The following FGF13 variants were observed in gnomAD, a reference collection of about 807,000 sequenced individuals.
FGF13 encodes the protein fibroblast growth factor 13.
A neutral mutation model predicts 19.5 loss-of-function variants in FGF13; 2 were observed. The ratio of observed to expected loss-of-function variants is 0.10; its 90% CI spans 0.04 to 0.32. The LOEUF is 0.32. FGF13 is among the 10% of genes least tolerant of loss of function. The pLI, the probability that FGF13 is intolerant of heterozygous loss-of-function variation, is 1.00. For synonymous variants in FGF13, 72 were observed against 76.9 expected, an observed-to-expected ratio of 0.94 and a Z score of 0.33; for missense variants, 113 against 192.7, an observed-to-expected ratio of 0.59 and a Z score of 2.45.
chrX:139,030,320 T>C (rs1344471471), intron 1 of FGF13, among the ~76,000 whole-genome samples: 3 of 111,452 alleles, frequency 2.7e-5, no homozygotes, highest in Middle Eastern at 4.6e-3. Flanking sequence ...CAACGAAAGC[T>C]GGCCTAATTA....
At chrX:138,965,264 T>C (rs946517613) in intron 1 of FGF13, among the ~76,000 whole-genome samples, 2 of 112,388 alleles carry the variant, frequency 1.8e-5, no homozygotes, top group African/African-American at 6.5e-5. Context: ...GGGCCCCTGC[T>C]CTGGGCTCCT....
intron 1 of FGF13, among the ~76,000 whole-genome samples, chrX:138,980,290 G>A (rs1418173228): frequency 9.0e-6 from 1 of 110,917 alleles, no homozygotes; most frequent in Non-Finnish European, 1.9e-5. Flanking sequence ...TAATCCCCGA[G>A]CCAAACCTTA....
chrX:138,956,175 G>C (rs2091840303), intron 1 of FGF13, among the ~76,000 whole-genome samples: 1 of 111,823 alleles, frequency 8.9e-6, no homozygotes, highest in Non-Finnish European at 1.9e-5. Context: ...CAGAGAGTGT[G>C]TCTGTGGGAG....
At chrX:139,037,211 T>C (rs1410646471) in intron 1 of FGF13, among the ~76,000 whole-genome samples, 1 of 111,029 alleles carries the variant, frequency 9.0e-6, no homozygotes, top group East Asian at 2.9e-4. Context: ...AAAAGCTGAG[T>C]TTCATCTCTA....
intron 1 of FGF13, among the ~76,000 whole-genome samples, chrX:139,146,135 A>C (rs932505626): frequency 4.5e-5 from 5 of 111,766 alleles, no homozygotes. Flanking sequence ...TAATTAAACT[A>C]AAGAGCTTCT....
chrX:138,984,590 G>GAA (rs1471071586), intron 1 of FGF13, among the ~76,000 whole-genome samples: 358 of 32,902 alleles, frequency 0.011, 36 homozygotes, highest in East Asian at 0.025. Context: ...AGAAGAAGAA[G>GAA]GAGGAGGAGG....
At chrX:138,805,303 C>T (rs1200930713) in intron 3 of FGF13, among the ~76,000 whole-genome samples, 1 of 111,787 alleles carries the variant, frequency 8.9e-6, no homozygotes, top group Non-Finnish European at 1.9e-5. Flanking sequence ...CCCTTAAACC[C>T]ATTTAAAATA....
chrX:138,954,738 A>C (rs1269390651), intron 1 of FGF13, among the ~76,000 whole-genome samples: 3 of 111,927 alleles, frequency 2.7e-5, no homozygotes, highest in African/African-American at 9.7e-5. Context: ...AGATCCCTCA[A>C]CGTTCACCCT....
At chrX:139,032,595 C>T (rs1321270619) in intron 1 of FGF13, among the ~76,000 whole-genome samples, 1 of 110,821 alleles carries the variant, frequency 9.0e-6, no homozygotes, top group Non-Finnish European at 1.9e-5. Flanking sequence ...GAAAAAACCC[C>T]AGAGACATAA....
chrX:138,992,466 T>C (rs1042264433), intron 1 of FGF13, among the ~76,000 whole-genome samples: 1 of 111,438 alleles, frequency 9.0e-6, no homozygotes, highest in Admixed American at 9.6e-5. Context: ...TCTTCTAGCA[T>C]TTCTGTGGTT....
chrX:138,769,971 T>C (rs778342921), intron 3 of FGF13, among the ~76,000 whole-genome samples: 1 of 112,260 alleles, frequency 8.9e-6, no homozygotes, highest in Non-Finnish European at 1.9e-5. Flanking sequence ...TAGAACATGA[T>C]TTCCCCAAGT....
chrX:138,898,342 T>C (rs2091514507), intron 1 of FGF13, among the ~76,000 whole-genome samples: 1 of 112,152 alleles, frequency 8.9e-6, no homozygotes, highest in African/African-American at 3.2e-5. Flanking sequence ...AGTTGGTTCA[T>C]AAATATTTCT....
chrX:138,701,042 A>G (rs1210683867), intron 3 of FGF13, among the ~76,000 whole-genome samples: 1 of 112,482 alleles, frequency 8.9e-6, no homozygotes, highest in Non-Finnish European at 1.9e-5. Flanking sequence ...GGCACCTGAC[A>G]TATAACCCAA....
intron 1 of FGF13, among the ~76,000 whole-genome samples, chrX:138,920,804 T>G (rs1243728061): frequency 1.8e-5 from 2 of 111,574 alleles, no homozygotes; most frequent in Non-Finnish European, 3.8e-5. Flanking sequence ...CTACCTTATC[T>G]CTGTAGATAA....
At chrX:139,135,196 AGTCCTGCT>A (rs749295665) in intron 1 of FGF13, among the ~76,000 whole-genome samples, 64 of 112,461 alleles carry the variant, frequency 5.7e-4, no homozygotes, top group African/African-American at 2.1e-3. Context: ...AGATTTGGCC[AGTCCTGCT>A]GTCCTTTCTA....
chrX:138,700,007 T>C (rs1240001102), intron 3 of FGF13, among the ~76,000 whole-genome samples: 1 of 111,051 alleles, frequency 9.0e-6, no homozygotes, highest in Non-Finnish European at 1.9e-5. Flanking sequence ...TTCTGACTTC[T>C]GTGAAGGTTT....
At chrX:138,717,241 G>T (rs2090113795) in intron 1 of FGF13, among the ~76,000 whole-genome samples, 1 of 111,545 alleles carries the variant, frequency 9.0e-6, no homozygotes, top group African/African-American at 3.3e-5. Flanking sequence ...TGGGGCGGAG[G>T]TTTCTCCCTT....
intron 1 of FGF13, among the ~76,000 whole-genome samples, chrX:139,159,655 C>CAAAAAAAAAAAAAAAAAAAAAAA (rs550001786): frequency 9.7e-5 from 5 of 51,664 alleles, no homozygotes; most frequent in African/African-American, 3.0e-4. Context: ...AAAGAGAAAG[C>CAAAAAAAAAAAAAAAAAAAAAAA]AAAAAAAAAA....
chrX:138,845,849 G>T (rs1369559265), intron 3 of FGF13, among the ~76,000 whole-genome samples: 1 of 111,638 alleles, frequency 9.0e-6, no homozygotes, highest in Non-Finnish European at 1.9e-5. Flanking sequence ...AAGTACAGAG[G>T]GGAAATGGCT....
Sources: allele counts gnomAD v4.1 joint callset (sites outside exome capture counted in the v4.1 genomes callset), GRCh38; gene constraint gnomAD v4.1.1; transcripts MANE v1.5; gene names NCBI Gene and HGNC (gene_info 2026-07-23, HGNC 2026-07-21).